Variants in NT5DC3 observed in about 807,000 individuals in gnomAD.
The protein encoded by NT5DC3 is 5'-nucleotidase domain-containing protein 3.
Under a neutral mutation model 67.8 loss-of-function variants are expected in NT5DC3, and 42 were observed. The ratio of observed to expected loss-of-function variants is 0.62; its 90% CI spans 0.48 to 0.80. The LOEUF is 0.80. Ranked by LOEUF, NT5DC3 falls within the 30% of genes least tolerant of loss-of-function variation. The probability of loss-of-function intolerance (pLI) is 0.00; values close to 1 mark genes in which losing one functional copy is unlikely to be tolerated. For missense variants in NT5DC3, 570 were observed against 696.4 expected (o/e 0.82, Z 2.04); for synonymous variants, 237 against 255.6 (o/e 0.93, Z 0.69).
intron 2 of NT5DC3, among the ~76,000 whole-genome samples, chr12:103,808,296 C>A (rs1245314235): frequency 6.6e-6 from 1 of 152,224 alleles, no homozygotes; most frequent in Non-Finnish European, 1.5e-5. Context: ...CTCCCCTGCT[C>A]TCCCCACTGC....
At chr12:103,770,220 T>G (rs993138502), downstream of NT5DC3, among the ~76,000 whole-genome samples, 14 of 152,232 alleles carry the variant, frequency 9.2e-5, no homozygotes, top group African/African-American at 3.4e-4. Context: ...CTTTTAAAGC[T>G]ATACATGTAA....
At chr12:103,835,999 T>G (rs1888130007) in intron 1 of NT5DC3, among the ~76,000 whole-genome samples, 1 of 152,170 alleles carries the variant, frequency 6.6e-6, no homozygotes, top group African/African-American at 2.4e-5. Flanking sequence ...CGGAAACCCC[T>G]GATAAGCCTA....
chr12:103,795,407 C>T (rs2139350070), intron 6 of NT5DC3, among the ~76,000 whole-genome samples: 1 of 152,228 alleles, frequency 6.6e-6, no homozygotes, highest in East Asian at 1.9e-4. Flanking sequence ...ACTGAGCTTT[C>T]AAATCAACAT....
chr12:103,836,876 C>T (rs533269429), intron 1 of NT5DC3, among the ~76,000 whole-genome samples: 57 of 152,218 alleles, frequency 3.7e-4, no homozygotes, highest in African/African-American at 1.3e-3. Flanking sequence ...TGCAAGCTGT[C>T]GGTGGATCTA....
downstream of NT5DC3, chr12:103,766,088 A>G: frequency 1.4e-6 from 1 of 714,788 alleles, no homozygotes; most frequent in East Asian, 2.8e-5. Context: ...TTCAAGCAGG[A>G]GAGACTAAAA....
chr12:103,835,968 A>G (rs966547108), intron 1 of NT5DC3, among the ~76,000 whole-genome samples: 2 of 152,178 alleles, frequency 1.3e-5, no homozygotes, highest in Non-Finnish European at 2.9e-5. Context: ...CAGCAACAGA[A>G]AAATGAAGCA....
the NT5DC3 span, among the ~76,000 whole-genome samples, chr12:103,748,509 C>T: frequency 6.6e-6 from 1 of 152,100 alleles, no homozygotes; most frequent in East Asian, 1.9e-4. Flanking sequence ...TAAGCTGAGT[C>T]TCAGTTTGTT....
At chr12:103,830,374 T>G (rs1292652613) in intron 1 of NT5DC3, among the ~76,000 whole-genome samples, 1 of 152,236 alleles carries the variant, frequency 6.6e-6, no homozygotes, top group South Asian at 2.1e-4. Context: ...TTATTCATAC[T>G]GCTTGGGATT....
intron 12 of NT5DC3, among the ~76,000 whole-genome samples, chr12:103,782,373 A>G (rs951295184): frequency 5.6e-5 from 8 of 141,660 alleles, no homozygotes; most frequent in African/African-American, 1.5e-4. Flanking sequence ...CTCAAAAGAA[A>G]AAAAAGAGAA....
intron 1 of NT5DC3, 122 bp downstream of exon 1, chr12:103,840,827 G>T (rs900606063): frequency 4.6e-6 from 2 of 432,080 alleles, no homozygotes; most frequent in East Asian, 3.7e-5. Context: ...GGGCACCGGG[G>T]TTCGCGACTG....
chr12:103,815,275 G>A (rs1293857319), intron 1 of NT5DC3, among the ~76,000 whole-genome samples, 154 bp from the exon 2 acceptor site: 1 of 152,124 alleles, frequency 6.6e-6, no homozygotes, highest in East Asian at 1.9e-4. Flanking sequence ...AAGACCACAC[G>A]TTGCATGATC....
chr12:103,792,089 C>T (rs973057923), intron 9 of NT5DC3, among the ~76,000 whole-genome samples: 3 of 152,168 alleles, frequency 2.0e-5, no homozygotes, highest in African/African-American at 7.2e-5. Flanking sequence ...CCAACCAGCC[C>T]CATCATGGGA....
chr12:103,774,558 C>G lies in NT5DC3; in HGVS notation c.*3271G>C, dbSNP rs1297846392. The G allele has an allele frequency of 1.3e-5, 2 of 151,460 alleles. No homozygotes were observed. Among genetic ancestry groups the G allele is most frequent in the Non-Finnish European group, 2.9e-5 (2 of 67,994 alleles). The allele number at this position is 151,460 out of a possible 1,614,324, so 9.4% of individuals were successfully genotyped here. A position where few individuals can be genotyped will look rare whatever the true frequency, so the allele number is the denominator to read the frequency against. On this transcript the variant is annotated 3_prime_UTR_variant, in exon 14 of 14. Coordinates refer to ENST00000392876, the MANE Select transcript of NT5DC3 (RefSeq NM_001031701.3). Reference sequence around the variant, plus strand: ...AATTAGCTGGATGTGGTGGTGGGCACCTGTAATCCCAGCTACTCGGGAGGC... The same window carrying G: ...AATTAGCTGGATGTGGTGGTGGGCAGCTGTAATCCCAGCTACTCGGGAGGC...
At chr12:103,783,583 C>T (rs541636966) in intron 12 of NT5DC3, among the ~76,000 whole-genome samples, 1 of 152,226 alleles carries the variant, frequency 6.6e-6, no homozygotes, top group South Asian at 2.1e-4. Context: ...CTAGAAAAGT[C>T]ACCTATCTCG....
rs765941590 is a variant in NT5DC3, at chr12:103,785,781, T to C, written c.1189-306A>G. On this transcript the variant is annotated intron_variant, in intron 11 of 13. Transcript: ENST00000392876. The stretch of plus-strand genomic sequence containing the variant: ...AAAAAAAAAAAAAAAAAAAAAAAAA[T>C]GAGGTCAGGGGCAGAAAGGGGCTTG... The C allele has an allele frequency of 1.6e-4, 67 of 408,810 alleles. 1 individual carries two copies. The highest frequency in any genetic ancestry group is 1.1e-3 in the South Asian group (64 of 55,708). The allele number at this position is 408,810 out of a possible 1,614,324, so 25.3% of individuals were successfully genotyped here.
At chr12:103,785,277 T>C in intron 12 of NT5DC3, 58 bp downstream of exon 12, 1 of 1,536,416 alleles carries the variant, frequency 6.5e-7, no homozygotes, top group Non-Finnish European at 9.0e-7. Flanking sequence ...ATACCTGAAG[T>C]AACTTTCTAA....
In NT5DC3 at chr12:103,777,994, C is replaced by T. The variant is rs367707322; in HGVS notation, c.1482G>A (p.Ser494=). The change falls in exon 14 of 14, where the codon TCG becomes TCA. Residue 494 remains serine (S), a synonymous_variant. Transcript: ENST00000392876. ...ACGCCATGTAGATGTCAGCGAAGCG[C>T]GACAGGCGCCTTAGGAAGTAGGTTG... ...QNPTYFLRRL[S]RFADIYMASL... is the part of the protein sequence containing the mutation. 12 of 1,614,064 alleles carry T rather than the reference C, an allele frequency of 7.4e-6. No homozygotes were observed. In the East Asian group the frequency reaches 1.3e-4, roughly 18 times the overall value.
Position 103,777,252 on chromosome 12 carries a change from AG to A in NT5DC3, c.*576del, listed in dbSNP as rs1317140766. ...TGTTCTTTCTCACTTAAGTCCTTCC[AG>A]GGAGGCTGTGTTCTATTTGATGTGA... On this transcript the variant is annotated 3_prime_UTR_variant, in exon 14 of 14. Transcript: ENST00000392876. 2 of 153,260 alleles carry A rather than the reference AG, an allele frequency of 1.3e-5. No homozygotes were observed. The highest frequency in any genetic ancestry group is 6.5e-5 in the Admixed American group (1 of 15,456). The allele number at this position is 153,260 out of a possible 1,614,324, so 9.5% of individuals were successfully genotyped here. A position where few individuals can be genotyped will look rare whatever the true frequency, so the allele number is the denominator to read the frequency against.
At chr12:103,825,305 T>C (rs1887645760) in intron 1 of NT5DC3, among the ~76,000 whole-genome samples, 3 of 152,220 alleles carry the variant, frequency 2.0e-5, no homozygotes, top group African/African-American at 7.2e-5. Context: ...TATCTGTATT[T>C]TGACTACTCC....
Sources: allele counts gnomAD v4.1 joint callset (sites outside exome capture counted in the v4.1 genomes callset), GRCh38; gene constraint gnomAD v4.1.1; transcripts MANE v1.5; gene names NCBI Gene and HGNC (gene_info 2026-07-23, HGNC 2026-07-21).